The following EYS variants were observed in gnomAD, a reference collection of about 807,000 sequenced individuals.
EYS encodes EGF-like photoreceptor maintenance factor.
In EYS, 250 loss-of-function variants were observed where a neutral mutation model predicts 282.1. The observed-to-expected ratio is 0.89, with a 90% confidence interval of 0.80 to 0.98. EYS has a LOEUF of 0.98. EYS is among the 50% of genes least tolerant of loss of function. The pLI is 0.00. For missense variants in EYS, 4,016 were observed against 3,709.0 expected, an observed-to-expected ratio of 1.08 and a Z score of -2.15; for synonymous variants, 1,355 against 1,282.9, an observed-to-expected ratio of 1.06 and a Z score of -1.20.
chr6:65,702,694 A>AAAATAAATAAATAAT (rs1321643333), intron 1 of EYS, among the ~76,000 whole-genome samples: 2 of 152,028 alleles, frequency 1.3e-5, no homozygotes, highest in African/African-American at 4.8e-5. Context: ...TCCACGTCAA[A>AAAATAAATAAATAAT]AAATAAATAA....
At chr6:65,128,124 A>G (rs1775771726) in intron 12 of EYS, among the ~76,000 whole-genome samples, 1 of 152,170 alleles carries the variant, frequency 6.6e-6, no homozygotes, top group Admixed American at 6.6e-5. Context: ...TACCCAAATC[A>G]TTACATTTTT....
In EYS at chr6:63,909,039, C is replaced by T. The variant is rs557483110; in HGVS notation, c.7056-44681G>A. ...TATTGGCTGTGCTTATAATGTTAAA[C>T]GTGAGGTGAGATATGGAGGAAATGA... On this transcript the variant is annotated intron_variant, in intron 35 of 42. Coordinates refer to ENST00000503581, the MANE Select transcript of EYS (RefSeq NM_001142800.2). Among the ~76,000 whole-genome samples, 15 of 151,712 alleles carry T rather than the reference C, an allele frequency of 9.9e-5. No homozygotes were observed. In the East Asian group the frequency reaches 2.5e-3, roughly 26 times the overall value.
intron 2 of EYS, among the ~76,000 whole-genome samples, chr6:65,613,789 C>T (rs949335290): frequency 6.6e-6 from 1 of 151,798 alleles, no homozygotes; most frequent in Non-Finnish European, 1.5e-5. Flanking sequence ...AACACACTAC[C>T]TCGGTCTTCA....
In EYS at chr6:64,326,845, A is replaced by G. The variant is rs532249076; in HGVS notation, c.6079-19763T>C. On this transcript the variant is annotated intron_variant, in intron 29 of 42. Transcript: ENST00000503581. ...GAGCATGTGCAGACATCTGAACCAC[A>G]GTAAGGTTTGGGCCCTAAGGCAAGA... Among the ~76,000 whole-genome samples the G allele has an allele frequency of 2.6e-5, 4 of 152,240 alleles. No individual in the cohort carries two copies. The East Asian group carries it at 7.7e-4, about 29-fold the overall frequency.
At chr6:64,560,527 G>A (rs1195056845) in intron 26 of EYS, among the ~76,000 whole-genome samples, 1 of 151,908 alleles carries the variant, frequency 6.6e-6, no homozygotes, top group Non-Finnish European at 1.5e-5. Flanking sequence ...AATTTCCCAT[G>A]GAAACAGCAA....
rs2149670957 is a variant in EYS, at chr6:63,789,241, C to T, written c.7412-17G>A. The T allele has an allele frequency of 6.5e-7, 1 of 1,547,120 alleles. No individual in the cohort carries two copies. Among genetic ancestry groups the T allele is most frequent in the Non-Finnish European group, 8.7e-7 (1 of 1,144,256 alleles). ...CATTCAACCCTGGAATGAGAAGACA[C>T]ATGGGGAATGCTCACTGAGAGGAAA... On this transcript the variant is annotated splice_polypyrimidine_tract_variant and intron_variant, in intron 37 of 42. Coordinates refer to ENST00000503581, the MANE Select transcript of EYS (RefSeq NM_001142800.2).
intron 2 of EYS, among the ~76,000 whole-genome samples, chr6:65,545,813 T>G (rs1275672055): frequency 1.3e-5 from 2 of 152,158 alleles, no homozygotes; most frequent in Non-Finnish European, 2.9e-5. Flanking sequence ...TCATGACTAT[T>G]ATGGAAGATC....
At chr6:65,673,217 T>A (rs576657830) in intron 1 of EYS, among the ~76,000 whole-genome samples, 1 of 151,526 alleles carries the variant, frequency 6.6e-6, no homozygotes, top group East Asian at 2.0e-4. Flanking sequence ...GTGGCGAAAA[T>A]TTTGGGAGGT....
At chr6:64,220,454 G>T (rs1410020187) in intron 31 of EYS, among the ~76,000 whole-genome samples, 2 of 152,154 alleles carry the variant, frequency 1.3e-5, no homozygotes, top group African/African-American at 4.8e-5. Flanking sequence ...CTGACTTTCA[G>T]CAGACTGGCT....
At chr6:65,595,089 C>G (rs1765361604) in intron 2 of EYS, among the ~76,000 whole-genome samples, 1 of 151,682 alleles carries the variant, frequency 6.6e-6, no homozygotes, top group Non-Finnish European at 1.5e-5. Flanking sequence ...GTTTGATAAA[C>G]TGGATTAAGA....
intron 5 of EYS, among the ~76,000 whole-genome samples, chr6:65,485,616 C>A (rs1407988187): frequency 6.6e-6 from 1 of 152,144 alleles, no homozygotes; most frequent in Non-Finnish European, 1.5e-5. Context: ...ACCAGCCTGG[C>A]CAACATGGCG....
chr6:64,437,954 C>T (rs753636391), intron 27 of EYS, among the ~76,000 whole-genome samples: 3 of 151,552 alleles, frequency 2.0e-5, no homozygotes, highest in African/African-American at 4.8e-5. Context: ...AGCCCAAATG[C>T]TGTTATTATG....
rs2150286352 is a variant in EYS, at chr6:65,296,047, A to G, written c.1839T>C (p.Ser613=). Residue 613 remains serine (S), a synonymous_variant, in exon 12 of 43, where the codon AGT becomes AGC. Coordinates refer to ENST00000503581, the MANE Select transcript of EYS (RefSeq NM_001142800.2). ...CCAGGCAGAGGCCATGCACTGATAT[A>G]CTGTGGTTCCCTAAGCAATAGTCAA... is the stretch of plus-strand genomic sequence containing the variant. ...VNVDYCLGNH[S]ISVHGLCLAL... is the part of the protein sequence containing the mutation. The G allele has an allele frequency of 1.3e-6, 2 of 1,550,992 alleles. No individual in the cohort carries two copies. Among genetic ancestry groups the G allele is most frequent in the Non-Finnish European group, 1.7e-6 (2 of 1,146,442 alleles).
chr6:65,091,986 C>G (rs1056039658), intron 12 of EYS, among the ~76,000 whole-genome samples: 4 of 152,024 alleles, frequency 2.6e-5, no homozygotes, highest in African/African-American at 9.7e-5. Flanking sequence ...CGGACCCCAG[C>G]TTGGGTTGAA....
intron 31 of EYS, among the ~76,000 whole-genome samples, chr6:64,108,074 A>G (rs1178118526): frequency 6.6e-6 from 1 of 152,172 alleles, no homozygotes; most frequent in Non-Finnish European, 1.5e-5. Flanking sequence ...GTCATATTTC[A>G]AAATGACTCT....
chr6:63,740,914 C>A (rs1439103534), intron 41 of EYS, among the ~76,000 whole-genome samples: 2 of 152,108 alleles, frequency 1.3e-5, no homozygotes, highest in African/African-American at 4.8e-5. Context: ...TCAACGTTTC[C>A]TCTGTTGTTC....
chr6:65,450,320 T>C (rs1429401490), intron 5 of EYS, among the ~76,000 whole-genome samples: 1 of 152,122 alleles, frequency 6.6e-6, no homozygotes, highest in Admixed American at 6.6e-5. Context: ...TTATCCTAGG[T>C]ACAGGGGGAA....
intron 22 of EYS, among the ~76,000 whole-genome samples, chr6:64,773,546 T>C (rs1773589271): frequency 6.6e-6 from 1 of 151,866 alleles, no homozygotes; most frequent in Non-Finnish European, 1.5e-5. Context: ...TCTGAGAAAT[T>C]GCCAGACTGC....
chr6:64,165,947 A>G (rs766686900), intron 31 of EYS, among the ~76,000 whole-genome samples: 2 of 152,236 alleles, frequency 1.3e-5, no homozygotes, highest in African/African-American at 4.8e-5. Context: ...TGGAATTTCT[A>G]TCAACTAAGA....
Sources: allele counts gnomAD v4.1 joint callset (sites outside exome capture counted in the v4.1 genomes callset), GRCh38; gene constraint gnomAD v4.1.1; transcripts MANE v1.5; gene names NCBI Gene and HGNC (gene_info 2026-07-23, HGNC 2026-07-21).